The following TBC1D4 variants were observed in gnomAD, a reference collection of about 807,000 sequenced individuals.
The protein encoded by TBC1D4 is TBC1 domain family member 4.
A neutral mutation model predicts 142.5 loss-of-function variants in TBC1D4; 121 were observed. That is an observed-to-expected ratio of 0.85 (90% CI 0.73 to 0.99). The LOEUF is 0.99. Among genes scored for constraint, TBC1D4 ranks in the 50% least tolerant of loss-of-function variants. TBC1D4 has a pLI of 0.00. For synonymous variants in TBC1D4, 630 were observed against 628.2 expected (o/e 1.00, Z -0.04); for missense variants, 1,475 against 1,606.6 (o/e 0.92, Z 1.40).
chr13:75,339,061 A>G (rs1268570613), intron 7 of TBC1D4, among the ~76,000 whole-genome samples: 1 of 152,194 alleles, frequency 6.6e-6, no homozygotes, highest in Non-Finnish European at 1.5e-5. Context: ...CTATTTATGT[A>G]CCAATGCTAC....
intron 1 of TBC1D4, among the ~76,000 whole-genome samples, chr13:75,410,231 C>T (rs564999950): frequency 6.6e-6 from 1 of 152,278 alleles, no homozygotes; most frequent in African/African-American, 2.4e-5. Context: ...TTACAGCCAT[C>T]CCCCTTTTCA....
intron 14 of TBC1D4, among the ~76,000 whole-genome samples, chr13:75,307,899 G>T (rs984076515): frequency 5.9e-5 from 9 of 152,064 alleles, no homozygotes; most frequent in Admixed American, 2.0e-4. Context: ...CTTTATTAAG[G>T]CTAAAAACAA....
chr13:75,413,693 T>G (rs1217802956), intron 1 of TBC1D4, among the ~76,000 whole-genome samples: 1 of 152,190 alleles, frequency 6.6e-6, no homozygotes, highest in Non-Finnish European at 1.5e-5. Flanking sequence ...GATAGAGTTC[T>G]TTCTGTCACT....
At chr13:75,442,918 G>C (rs545245395) in intron 1 of TBC1D4, among the ~76,000 whole-genome samples, 1 of 152,188 alleles carries the variant, frequency 6.6e-6, no homozygotes, top group African/African-American at 2.4e-5. Flanking sequence ...TCTCTGCCTA[G>C]TCTATACTAA....
At chr13:75,367,346 C>T (rs1165555873) in intron 1 of TBC1D4, among the ~76,000 whole-genome samples, 1 of 152,014 alleles carries the variant, frequency 6.6e-6, no homozygotes, top group Non-Finnish European at 1.5e-5. Context: ...AACAGATGAA[C>T]TTCAATAAAT....
intron 1 of TBC1D4, among the ~76,000 whole-genome samples, chr13:75,458,200 G>A (rs117434726): frequency 0.011 from 1,716 of 152,232 alleles, 16 homozygotes; most frequent in Non-Finnish European, 0.02. Flanking sequence ...GTGGATCTCT[G>A]CAGGATGGAT....
At chr13:75,366,784 C>G in intron 1 of TBC1D4, 1 of 252,906 alleles carries the variant, frequency 4.0e-6, no homozygotes, top group Non-Finnish European at 6.2e-6. Context: ...AACCCATTAA[C>G]ATTTTATAAA....
At chr13:75,392,989 C>T (rs947938672) in intron 1 of TBC1D4, among the ~76,000 whole-genome samples, 14 of 151,964 alleles carry the variant, frequency 9.2e-5, no homozygotes, top group Non-Finnish European at 1.9e-4. Context: ...AGCCCTTAAT[C>T]CATCTCTATT....
rs1874677857 is a variant in TBC1D4, at chr13:75,286,475, G to C, written c.*317C>G. ...TTTCAGTTTACCTTTCCTTTGGTGT[G>C]GATTTCATGAAGTTCTGACTAAAAA... is the stretch of plus-strand genomic sequence containing the variant. On this transcript the variant is annotated 3_prime_UTR_variant, in exon 21 of 21. Transcript: ENST00000377636. The C allele has an allele frequency of 4.5e-6, 1 of 220,446 alleles. No homozygotes were observed. Among genetic ancestry groups the C allele is most frequent in the South Asian group, 1.1e-4 (1 of 9,428 alleles). 13.7% of individuals were successfully genotyped at this position (220,446 alleles called of 1,614,324 possible). A position where few individuals can be genotyped will look rare whatever the true frequency, so the allele number is the denominator to read the frequency against.
chr13:75,465,763 T>A (rs1261458513), intron 1 of TBC1D4, among the ~76,000 whole-genome samples: 1 of 152,174 alleles, frequency 6.6e-6, no homozygotes, highest in Non-Finnish European at 1.5e-5. Context: ...CAAGAAACAT[T>A]TAAAATCTAT....
At chr13:75,302,662 T>A in intron 15 of TBC1D4, 1 of 523,198 alleles carries the variant, frequency 1.9e-6, no homozygotes, top group Non-Finnish European at 3.4e-6. Context: ...TGACTGAGCA[T>A]TAATAAAACA....
intron 13 of TBC1D4, among the ~76,000 whole-genome samples, chr13:75,310,368 AT>A (rs1206263513): frequency 6.6e-6 from 1 of 152,178 alleles, no homozygotes. Context: ...AGCATAGGTC[AT>A]TTCACCACTT....
At chr13:75,292,304 A>C in intron 18 of TBC1D4, 33 bp from the exon 19 acceptor site, 1 of 1,565,728 alleles carries the variant, frequency 6.4e-7, no homozygotes, top group Non-Finnish European at 8.7e-7. Context: ...CATGATCAAA[A>C]CTATGCATCC....
intron 14 of TBC1D4, among the ~76,000 whole-genome samples, chr13:75,308,005 T>C (rs1877351651): frequency 3.3e-5 from 5 of 152,224 alleles, no homozygotes; most frequent in Admixed American, 3.3e-4. Flanking sequence ...CTCTAGATTA[T>C]TGATCATTTA....
chr13:75,309,778 C>A (rs1877550709), intron 14 of TBC1D4, among the ~76,000 whole-genome samples, 164 bp downstream of exon 14: 1 of 152,108 alleles, frequency 6.6e-6, no homozygotes. Flanking sequence ...TTATAACCAC[C>A]TCACAAAATG....
chr13:75,480,843 C>A (rs921868421), intron 1 of TBC1D4, among the ~76,000 whole-genome samples: 6 of 151,716 alleles, frequency 4.0e-5, no homozygotes, highest in Admixed American at 1.3e-4. Context: ...ACCCAACCTT[C>A]TGCGTTCATA....
At chr13:75,384,366 G>T (rs1198036754) in intron 1 of TBC1D4, among the ~76,000 whole-genome samples, 1 of 152,066 alleles carries the variant, frequency 6.6e-6, no homozygotes, top group Non-Finnish European at 1.5e-5. Context: ...AACCCGGGAG[G>T]CAGAGGTTGC....
chr13:75,474,244 A>G (rs760545868), intron 1 of TBC1D4, among the ~76,000 whole-genome samples: 27 of 152,226 alleles, frequency 1.8e-4, no homozygotes, highest in Non-Finnish European at 2.8e-4. Context: ...CTAATTTTCA[A>G]TAACTGCATT....
intron 1 of TBC1D4, among the ~76,000 whole-genome samples, chr13:75,450,915 C>T (rs1887505965): frequency 6.6e-6 from 1 of 152,132 alleles, no homozygotes; most frequent in Non-Finnish European, 1.5e-5. Context: ...TTGAGGGTCC[C>T]ACCATGAATA....
Sources: allele counts gnomAD v4.1 joint callset (sites outside exome capture counted in the v4.1 genomes callset), GRCh38; gene constraint gnomAD v4.1.1; transcripts MANE v1.5; gene names NCBI Gene and HGNC (gene_info 2026-07-23, HGNC 2026-07-21).